Variants in PPP1R14C observed in about 807,000 individuals in gnomAD.
PPP1R14C encodes protein phosphatase 1 regulatory inhibitor subunit 14C.
A neutral mutation model predicts 20.4 loss-of-function variants in PPP1R14C; 16 were observed. The ratio of observed to expected loss-of-function variants is 0.78; its 90% CI spans 0.53 to 1.19. The LOEUF (loss-of-function observed/expected upper bound fraction) is 1.19, where lower values mean the gene tolerates loss of function less well. Among genes scored for constraint, PPP1R14C ranks in the 50% most tolerant of loss-of-function variants. PPP1R14C has a pLI of 0.00. For missense variants in PPP1R14C, 211 were observed against 220.1 expected (o/e 0.96, Z 0.26); for synonymous variants, 91 against 91.0 (o/e 1.00, Z 0.00).
chr6:150,209,915 TTGTG>T (rs1778001532), intron 1 of PPP1R14C, among the ~76,000 whole-genome samples: 1 of 149,930 alleles, frequency 6.7e-6, no homozygotes, highest in South Asian at 2.1e-4. Flanking sequence ...GTGTATATGT[TTGTG>T]TATGTGTGTG....
At chr6:150,196,849 G>T (rs1414991252) in intron 1 of PPP1R14C, among the ~76,000 whole-genome samples, 1 of 152,128 alleles carries the variant, frequency 6.6e-6, no homozygotes, top group African/African-American at 2.4e-5. Flanking sequence ...TAACACAGTT[G>T]GAGTTTTTAA....
intron 3 of PPP1R14C, among the ~76,000 whole-genome samples, chr6:150,221,800 T>C (rs9479970): frequency 0.12 from 17,869 of 152,132 alleles, 1,985 homozygotes; most frequent in African/African-American, 0.29. Flanking sequence ...AAAATTTATT[T>C]TATTTTAATT....
At chr6:150,204,280 G>GA (rs1777915549) in intron 1 of PPP1R14C, among the ~76,000 whole-genome samples, 1 of 152,188 alleles carries the variant, frequency 6.6e-6, no homozygotes, top group Non-Finnish European at 1.5e-5. Flanking sequence ...TCGTCACGGG[G>GA]GCATTGTTAA....
intron 1 of PPP1R14C, among the ~76,000 whole-genome samples, chr6:150,167,380 A>G (rs1042491746): frequency 2.0e-5 from 3 of 152,128 alleles, no homozygotes; most frequent in Admixed American, 1.3e-4. Flanking sequence ...GGGGGAAAAA[A>G]ACAAAAAGCA....
At chr6:150,239,490 G>T (rs537680172) in intron 3 of PPP1R14C, among the ~76,000 whole-genome samples, 1 of 152,224 alleles carries the variant, frequency 6.6e-6, no homozygotes, top group East Asian at 1.9e-4. Context: ...GTCCAAAGAA[G>T]AAATTAAAAG....
intron 1 of PPP1R14C, among the ~76,000 whole-genome samples, chr6:150,171,641 GTTC>G (rs1196600104): frequency 9.9e-5 from 15 of 152,182 alleles, no homozygotes; most frequent in African/African-American, 3.4e-4. Context: ...TCTTTCTCTT[GTTC>G]TTCTCTAATT....
At position 150,214,807 on chromosome 6, in the gene PPP1R14C, G is replaced by A. The variant is rs1778070330; in HGVS notation, c.370G>A (p.Glu124Lys). 2 of 1,611,376 alleles carry A rather than the reference G, an allele frequency of 1.2e-6. No individual in the cohort carries two copies. Among genetic ancestry groups the A allele is most frequent in the Non-Finnish European group, 1.7e-6 (2 of 1,178,924 alleles). ...TCTTCTTGATGCAGACAGTGATGAAGAGAGAGCTTCAAAATTACAGGTAAG... is the reference window on the plus strand; with the variant it reads ...TCTTCTTGATGCAGACAGTGATGAAAAGAGAGCTTCAAAATTACAGGTAAG... ...DDLLDADSDE[E>K]RASKLQEALV... The change falls in exon 2 of 4, where the codon GAG (glutamate) becomes AAG (lysine). Residue 124 changes from glutamate to lysine, a missense_variant. Glu to Lys is a moderately conservative substitution (Grantham distance 56). Coordinates refer to ENST00000361131, the MANE Select transcript of PPP1R14C (RefSeq NM_030949.3).
chr6:150,158,724 T>A (rs769146193), intron 1 of PPP1R14C, among the ~76,000 whole-genome samples: 31 of 152,348 alleles, frequency 2.0e-4, no homozygotes, highest in Non-Finnish European at 3.8e-4. Flanking sequence ...TGGGCATGAG[T>A]ATCCCACTGT....
intron 1 of PPP1R14C, among the ~76,000 whole-genome samples, chr6:150,145,979 G>A (rs1445937565): frequency 6.6e-6 from 1 of 152,198 alleles, no homozygotes; most frequent in Non-Finnish European, 1.5e-5. Flanking sequence ...TATTTAGAAA[G>A]AGGAAGAGGA....
intron 1 of PPP1R14C, among the ~76,000 whole-genome samples, chr6:150,174,760 C>T (rs972380702): frequency 2.6e-5 from 4 of 151,332 alleles, no homozygotes; most frequent in East Asian, 2.0e-4. Context: ...GTCAGGAGTT[C>T]GAGACCAGCC....
chr6:150,163,414 A>T (rs535154393), intron 1 of PPP1R14C, among the ~76,000 whole-genome samples: 12 of 152,230 alleles, frequency 7.9e-5, no homozygotes, highest in African/African-American at 2.4e-4. Flanking sequence ...ACAACAAAAA[A>T]CTTTTTATTG....
At chr6:150,156,421 C>A (rs889617365) in intron 1 of PPP1R14C, among the ~76,000 whole-genome samples, 2 of 152,180 alleles carry the variant, frequency 1.3e-5, no homozygotes, top group Non-Finnish European at 2.9e-5. Flanking sequence ...GCTACTGCCG[C>A]CAATCATCTG....
chr6:150,167,965 T>A (rs1582900420), intron 1 of PPP1R14C, among the ~76,000 whole-genome samples: 1 of 4,044 alleles, frequency 2.5e-4, no homozygotes, highest in East Asian at 8.8e-3. Context: ...TCTCCTCCCC[T>A]CTTTCTCTCC....
At chr6:150,162,334 C>T (rs1303876443) in intron 1 of PPP1R14C, among the ~76,000 whole-genome samples, 2 of 152,206 alleles carry the variant, frequency 1.3e-5, no homozygotes, top group African/African-American at 4.8e-5. Flanking sequence ...GGATTATAGG[C>T]GTGAGCCACC....
intron 3 of PPP1R14C, 86 bp downstream of exon 3, chr6:150,216,942 G>A: frequency 7.7e-6 from 8 of 1,042,548 alleles, no homozygotes; most frequent in Middle Eastern, 2.1e-4. Flanking sequence ...ACCACAATAA[G>A]TAGGTTTGAG....
At chr6:150,174,502 C>T (rs968153714) in intron 1 of PPP1R14C, among the ~76,000 whole-genome samples, 3 of 151,796 alleles carry the variant, frequency 2.0e-5, no homozygotes, top group East Asian at 3.9e-4. Flanking sequence ...AGGCGTGAGC[C>T]ACCACGCCTG....
At chr6:150,208,526 G>T (rs1423906081) in intron 1 of PPP1R14C, among the ~76,000 whole-genome samples, 1 of 152,044 alleles carries the variant, frequency 6.6e-6, no homozygotes, top group Non-Finnish European at 1.5e-5. Context: ...TTAAAACTGG[G>T]TATAAATTCC....
intron 1 of PPP1R14C, among the ~76,000 whole-genome samples, chr6:150,183,320 G>A (rs186242972): frequency 2.0e-5 from 3 of 152,108 alleles, no homozygotes; most frequent in African/African-American, 4.8e-5. Context: ...TGGTCAAAAC[G>A]GGTATGTAAA....
intron 1 of PPP1R14C, among the ~76,000 whole-genome samples, chr6:150,151,430 GGAA>G (rs1297655303): frequency 6.6e-6 from 1 of 152,130 alleles, no homozygotes; most frequent in Non-Finnish European, 1.5e-5. Flanking sequence ...CTACAGCTCT[GGAA>G]TATGAGTCCC....
Sources: gnomAD v4.1 joint callset for allele counts (sites outside exome capture counted in the v4.1 genomes callset) on GRCh38, gnomAD v4.1.1 for gene constraint, MANE v1.5 for transcripts, NCBI Gene and HGNC (gene_info 2026-07-23, HGNC 2026-07-21) for gene names.